Variants in THSD7A observed in about 807,000 individuals in gnomAD.
THSD7A encodes the protein thrombospondin type 1 domain containing 7A.
THSD7A carries 96 observed loss-of-function variants against 231.3 expected under a neutral mutation model. The observed-to-expected ratio is 0.41, with a 90% CI of 0.35 to 0.49. The LOEUF is 0.49. Among genes scored for constraint, THSD7A ranks in the 20% least tolerant of loss-of-function variants. THSD7A has a pLI of 0.05. For synonymous variants in THSD7A, 940 were observed against 743.3 expected (o/e 1.26, Z -4.30); for missense variants, 2,290 against 2,070.2 (o/e 1.11, Z -2.06).
At chr7:11,667,723 T>A (rs1451633203) in intron 1 of THSD7A, among the ~76,000 whole-genome samples, 1 of 152,150 alleles carries the variant, frequency 6.6e-6, no homozygotes, top group Admixed American at 6.6e-5. Context: ...TATAAATGTA[T>A]GAAATTGAGA....
intron 1 of THSD7A, among the ~76,000 whole-genome samples, chr7:11,719,968 A>T (rs1018084999): frequency 1.2e-5 from 1 of 81,872 alleles, no homozygotes; most frequent in African/African-American, 4.7e-5. Flanking sequence ...ATTAGATTTC[A>T]TGCTCAAAGA....
chr7:11,509,715 G>T (rs949245025), intron 6 of THSD7A, among the ~76,000 whole-genome samples: 4 of 149,716 alleles, frequency 2.7e-5, no homozygotes, highest in African/African-American at 9.8e-5. Context: ...CCAGCTACTC[G>T]GGAGGCTGAG....
chr7:11,563,581 C>G (rs1790168488), intron 4 of THSD7A, among the ~76,000 whole-genome samples: 1 of 152,072 alleles, frequency 6.6e-6, no homozygotes, highest in Non-Finnish European at 1.5e-5. Context: ...AGGCTGGTTT[C>G]AAACTCTTGA....
intron 24 of THSD7A, among the ~76,000 whole-genome samples, chr7:11,380,137 T>C (rs1782453718): frequency 6.6e-6 from 1 of 152,214 alleles, no homozygotes; most frequent in African/African-American, 2.4e-5. Context: ...CAGCTCTTTA[T>C]GTTAAATAAA....
chr7:11,458,211 C>T (rs1407911397), intron 11 of THSD7A, among the ~76,000 whole-genome samples: 3 of 152,002 alleles, frequency 2.0e-5, no homozygotes, highest in Non-Finnish European at 4.4e-5. Context: ...ATTTAAGTCT[C>T]TGACCATATA....
At chr7:11,461,665 T>A (rs960052413) in intron 10 of THSD7A, among the ~76,000 whole-genome samples, 2 of 152,190 alleles carry the variant, frequency 1.3e-5, no homozygotes, top group African/African-American at 4.8e-5. Flanking sequence ...CTTAGGCTAG[T>A]CTTCTAAGTG....
At chr7:11,499,166 G>A (rs546482269) in intron 6 of THSD7A, among the ~76,000 whole-genome samples, 5 of 152,174 alleles carry the variant, frequency 3.3e-5, no homozygotes, top group South Asian at 2.1e-4. Flanking sequence ...AAGGAGAGGC[G>A]GTCAGTCCAA....
At chr7:11,763,427 C>T (rs1242016471) in intron 1 of THSD7A, among the ~76,000 whole-genome samples, 1 of 152,138 alleles carries the variant, frequency 6.6e-6, no homozygotes, top group African/African-American at 2.4e-5. Context: ...AATAGTTTTA[C>T]ATTGTTTTAT....
intron 1 of THSD7A, among the ~76,000 whole-genome samples, chr7:11,765,748 T>G (rs1461531764): frequency 6.6e-6 from 1 of 152,120 alleles, no homozygotes; most frequent in Non-Finnish European, 1.5e-5. Context: ...GTATTCCATC[T>G]TCTTTCCAAA....
chr7:11,651,491 CTATCT>C (rs1186200560), intron 1 of THSD7A, among the ~76,000 whole-genome samples: 4 of 39,202 alleles, frequency 1.0e-4, no homozygotes, highest in Non-Finnish European at 3.5e-4. Flanking sequence ...TATCAACTAT[CTATCT>C]ATCTATCTAT....
chr7:11,739,590 A>G (rs1782036250), intron 1 of THSD7A, among the ~76,000 whole-genome samples: 1 of 150,614 alleles, frequency 6.6e-6, no homozygotes, highest in African/African-American at 2.4e-5. Flanking sequence ...TTAAATTTGT[A>G]TTTTTTTTTA....
chr7:11,545,548 T>C (rs961492497), intron 4 of THSD7A, among the ~76,000 whole-genome samples: 3 of 152,088 alleles, frequency 2.0e-5, no homozygotes, highest in African/African-American at 4.8e-5. Flanking sequence ...AGGGAGAACA[T>C]AGAACCTGGG....
chr7:11,783,593 T>A (rs1369661145), intron 1 of THSD7A, among the ~76,000 whole-genome samples: 1 of 152,140 alleles, frequency 6.6e-6, no homozygotes, highest in African/African-American at 2.4e-5. Flanking sequence ...TCTATGACAA[T>A]TTTGGCCTCA....
intron 1 of THSD7A, among the ~76,000 whole-genome samples, chr7:11,652,725 G>A (rs553503311): frequency 3.9e-4 from 60 of 152,000 alleles, no homozygotes; most frequent in African/African-American, 1.4e-3. Context: ...CTTCCAAAAT[G>A]CATCATCTGA....
intron 1 of THSD7A, among the ~76,000 whole-genome samples, chr7:11,701,980 C>T (rs1780618737): frequency 6.6e-6 from 1 of 151,074 alleles, no homozygotes; most frequent in Admixed American, 6.6e-5. Context: ...TTGGGTGTAC[C>T]TTGTTGCCAG....
Position 11,820,637 on chromosome 7 carries a change from G to C in THSD7A, c.190+11120C>G, listed in dbSNP as rs1479137062. 6.6e-6 allele frequency: 5 copies of C among 761,240 alleles called. No individual in the cohort carries two copies. In the East Asian group the frequency reaches 1.3e-4, roughly 19 times the overall value. The allele number at this position is 761,240 out of a possible 1,614,324, so 47.2% of individuals were successfully genotyped here. A position where few individuals can be genotyped will look rare whatever the true frequency, so the allele number is the denominator to read the frequency against. On this transcript the variant is annotated intron_variant, in intron 1 of 27. Coordinates refer to ENST00000423059, the MANE Select transcript of THSD7A (RefSeq NM_015204.3). ...CTTGAAATTGAAAGTTTCCTCGAGC[G>C]CTCTGCCACCTCCTCTTTCACTTGG...
chr7:11,593,447 CTT>C lies in THSD7A; in HGVS notation c.1076_1077del (p.Lys359ArgfsTer19), dbSNP rs1395181708. 2 of 1,614,012 alleles carry C rather than the reference CTT, an allele frequency of 1.2e-6. No homozygotes were observed. The highest frequency in any genetic ancestry group is 1.7e-6 in the Non-Finnish European group (2 of 1,179,896). Reference sequence around the variant, plus strand: ...TCTGACCACTCGGAAACCTGGCACTCTTTGGTGATCACACAGGACTGGAAGGT... The same window carrying C: ...TCTGACCACTCGGAAACCTGGCACTCTGGTGATCACACAGGACTGGAAGGT... ...PMTFQSCVIT[K>X]ECQVSEWSEW... is the part of the protein sequence containing the mutation. On this transcript the variant is annotated frameshift_variant, in exon 3 of 28. Transcript: ENST00000423059. LOFTEE classifies it high-confidence loss of function.
chr7:11,387,053 G>A (rs1488826508), intron 23 of THSD7A, among the ~76,000 whole-genome samples: 2 of 152,008 alleles, frequency 1.3e-5, no homozygotes, highest in Non-Finnish European at 2.9e-5. Context: ...GGCCTCTATT[G>A]TGTTCCATTG....
chr7:11,626,197 C>T (rs1357357424), intron 2 of THSD7A, among the ~76,000 whole-genome samples: 1 of 152,106 alleles, frequency 6.6e-6, no homozygotes, highest in Non-Finnish European at 1.5e-5. Context: ...AAATAACCAA[C>T]AGTGCATTGT....
Sources: allele counts gnomAD v4.1 joint callset (sites outside exome capture counted in the v4.1 genomes callset), GRCh38; gene constraint gnomAD v4.1.1; transcripts MANE v1.5; gene names NCBI Gene and HGNC (gene_info 2026-07-23, HGNC 2026-07-21).